Variants in DNAJC3 observed in about 807,000 individuals in gnomAD.
DNAJC3 encodes the protein DnaJ heat shock protein family (Hsp40) member C3, also known as dnaJ homolog subfamily C member 3.
A neutral mutation model predicts 68.6 loss-of-function variants in DNAJC3; 38 were observed. The ratio of observed to expected loss-of-function variants is 0.55; its 90% CI spans 0.43 to 0.73. DNAJC3 has a LOEUF of 0.73. DNAJC3 is among the 30% of genes least tolerant of loss of function. DNAJC3 has a pLI of 0.00. For missense variants in DNAJC3, 526 were observed against 591.9 expected, an observed-to-expected ratio of 0.89 and a Z score of 1.16; for synonymous variants, 203 against 204.0, an observed-to-expected ratio of 1.00 and a Z score of 0.04.
In DNAJC3 at chr13:95,760,743, G is replaced by A. The variant is rs1882797406; in HGVS notation, c.793G>A (p.Val265Ile). Reference sequence around the variant, plus strand: ...AAGGTGTTTTGCACACTATAAACAAGTAAAGAAACTTAATAAGCTGATTGA... The same window carrying A: ...AAGGTGTTTTGCACACTATAAACAAATAAAGAAACTTAATAAGCTGATTGA... ...HKRCFAHYKQ[V>I]KKLNKLIESA... The change falls in exon 7 of 12, where the codon GTA becomes ATA. Residue 265 changes from valine to isoleucine, a missense_variant. By Grantham distance (29) the Val-to-Ile change is conservative. Coordinates refer to ENST00000602402, the MANE Select transcript of DNAJC3 (RefSeq NM_006260.5). 4 of 1,612,800 alleles carry A rather than the reference G, an allele frequency of 2.5e-6. No individual in the cohort carries two copies. The African/African-American group carries it at 4.0e-5, about 16-fold the overall frequency.
At chr13:95,779,119 C>A (rs372222791) in intron 9 of DNAJC3, among the ~76,000 whole-genome samples, 1 of 97,944 alleles carries the variant, frequency 1.0e-5, no homozygotes. Flanking sequence ...TTTCTTCTTT[C>A]TTTTTTTTTT....
rs907265397 is a variant in DNAJC3, at chr13:95,734,553, G to T, written c.393+9301G>T. 2.6e-5 allele frequency among the ~76,000 whole-genome samples: 4 copies of T among 152,192 alleles called. No individual in the cohort carries two copies. In the East Asian group the frequency reaches 7.7e-4, roughly 29 times the overall value. ...TTATCTGAGCTTTCTGTCTATCGAC[G>T]TCTAAATCTTTTGCTAGACTTGGGA... On this transcript the variant is annotated intron_variant, in intron 4 of 11. Coordinates refer to ENST00000602402, the MANE Select transcript of DNAJC3 (RefSeq NM_006260.5).
chr13:95,689,210 T>C (rs1411664829), intron 1 of DNAJC3, among the ~76,000 whole-genome samples: 1 of 151,448 alleles, frequency 6.6e-6, no homozygotes, highest in Non-Finnish European at 1.5e-5. Context: ...AAATTGGCTG[T>C]AAAAAATCTG....
intron 4 of DNAJC3, among the ~76,000 whole-genome samples, chr13:95,726,346 G>A (rs1881520201): frequency 6.6e-6 from 1 of 152,180 alleles, no homozygotes; most frequent in Admixed American, 6.5e-5. Flanking sequence ...GTTGTTTCCT[G>A]ACTTTTTAAT....
chr13:95,729,717 T>C (rs746322791), intron 4 of DNAJC3, among the ~76,000 whole-genome samples: 1 of 152,026 alleles, frequency 6.6e-6, no homozygotes, highest in Non-Finnish European at 1.5e-5. Context: ...GGGTGAGGTG[T>C]TCTCATTATT....
intron 4 of DNAJC3, among the ~76,000 whole-genome samples, chr13:95,739,737 C>T (rs1882059624): frequency 1.3e-5 from 2 of 151,880 alleles, no homozygotes; most frequent in Admixed American, 1.3e-4. Context: ...AAGTTTTCAA[C>T]CTCTTTGCCT....
At chr13:95,728,940 G>A (rs572642392) in intron 4 of DNAJC3, among the ~76,000 whole-genome samples, 5 of 151,392 alleles carry the variant, frequency 3.3e-5, no homozygotes, top group South Asian at 4.2e-4. Context: ...CTTCATCCCC[G>A]CCTCCCACTG....
At chr13:95,782,582 G>A (rs926636773) in intron 9 of DNAJC3, among the ~76,000 whole-genome samples, 3 of 152,066 alleles carry the variant, frequency 2.0e-5, no homozygotes, top group Non-Finnish European at 4.4e-5. Context: ...TCATATGTCT[G>A]TTGGCTGCAT....
intron 2 of DNAJC3, 22 bp from the exon 3 acceptor site, chr13:95,723,220 G>A (rs754244695): frequency 1.0e-5 from 16 of 1,568,930 alleles, no homozygotes; most frequent in Middle Eastern, 1.7e-4. Context: ...TGACTAAGAG[G>A]TAATATTATT....
chr13:95,690,686 G>A (rs1180284463), intron 1 of DNAJC3, among the ~76,000 whole-genome samples: 2 of 136,820 alleles, frequency 1.5e-5, no homozygotes, highest in Non-Finnish European at 1.6e-5. Context: ...CCTCCCTCCC[G>A]GACGGGGCGG....
At chr13:95,677,851 C>T (rs1003519856) in intron 1 of DNAJC3, among the ~76,000 whole-genome samples, 1 of 152,120 alleles carries the variant, frequency 6.6e-6, no homozygotes, top group Admixed American at 6.5e-5. Context: ...TGTAACCATC[C>T]CCATTAAGAT....
chr13:95,700,819 GTCA>G (rs1880565305), intron 1 of DNAJC3, among the ~76,000 whole-genome samples: 1 of 152,114 alleles, frequency 6.6e-6, no homozygotes, highest in Non-Finnish European at 1.5e-5. Flanking sequence ...CCATGGTCAT[GTCA>G]TCATCATGTT....
chr13:95,704,851 G>GTGTGTTTTTTTTTTTTTTTT (rs1555323371), intron 1 of DNAJC3, among the ~76,000 whole-genome samples: 1 of 97,860 alleles, frequency 1.0e-5, no homozygotes, highest in African/African-American at 6.0e-5. Context: ...GTGTGTGTGT[G>GTGTGTTTTTTTTTTTTTTTT]TTTTTTTTTT....
chr13:95,772,306 TC>T (rs1331947504), intron 9 of DNAJC3, among the ~76,000 whole-genome samples: 1 of 152,222 alleles, frequency 6.6e-6, no homozygotes, highest in Non-Finnish European at 1.5e-5. Context: ...ACCAGACACT[TC>T]AGCTGACTTT....
At chr13:95,724,352 G>A (rs1386071714) in intron 3 of DNAJC3, among the ~76,000 whole-genome samples, 1 of 152,076 alleles carries the variant, frequency 6.6e-6, no homozygotes, top group African/African-American at 2.4e-5. Flanking sequence ...GGCTTCATTG[G>A]TCATCCAGAG....
At chr13:95,742,371 T>G (rs1013847969) in intron 4 of DNAJC3, among the ~76,000 whole-genome samples, 15 of 152,182 alleles carry the variant, frequency 9.9e-5, no homozygotes, top group African/African-American at 3.6e-4. Flanking sequence ...CACCATGTTG[T>G]AGGTGCATAG....
chr13:95,767,656 C>G (rs1295113727), intron 9 of DNAJC3, among the ~76,000 whole-genome samples: 2 of 149,972 alleles, frequency 1.3e-5, no homozygotes, highest in East Asian at 3.9e-4. Flanking sequence ...ATTAAAGATT[C>G]TGATTCTTCC....
rs1022202097 is a variant in DNAJC3, at chr13:95,787,035, G to A, written c.1237G>A (p.Ala413Thr). Reference protein sequence around the residue: ...RNAKKQEIIKAYRKLALQWHP... With the variant: ...RNAKKQEIIKTYRKLALQWHP... Reference sequence around the variant, plus strand: ...TGCCAAAAAGCAAGAAATTATTAAAGCATACCGAAAATTAGCACTGCAGTG... The same window carrying A: ...TGCCAAAAAGCAAGAAATTATTAAAACATACCGAAAATTAGCACTGCAGTG... Residue 413 changes from alanine (A) to threonine (T), a missense_variant, in exon 11 of 12, where the codon GCA becomes ACA. Ala to Thr is a moderately conservative substitution (Grantham distance 58). Transcript: ENST00000602402. 1.9e-6 allele frequency: 3 copies of A among 1,610,642 alleles called. No homozygotes were observed. In the Admixed American group the frequency reaches 5.1e-5, roughly 27 times the overall value.
chr13:95,710,760 C>T (rs766893204), intron 2 of DNAJC3, among the ~76,000 whole-genome samples: 38 of 152,222 alleles, frequency 2.5e-4, no homozygotes, highest in Middle Eastern at 3.4e-3. Context: ...GATCTTGGCT[C>T]ACTGCAACCT....
Sources: gnomAD v4.1 joint callset for allele counts (sites outside exome capture counted in the v4.1 genomes callset) on GRCh38, gnomAD v4.1.1 for gene constraint, MANE v1.5 for transcripts, NCBI Gene and HGNC (gene_info 2026-07-23, HGNC 2026-07-21) for gene names.